Variants in CNTNAP2 observed in about 807,000 individuals in gnomAD.
The protein encoded by CNTNAP2 is contactin-associated protein-like 2.
In CNTNAP2, 98 loss-of-function variants were observed where a neutral mutation model predicts 155.2. The observed-to-expected ratio is 0.63, with a 90% confidence interval of 0.54 to 0.75. CNTNAP2 has a LOEUF of 0.75. Among genes scored for constraint, CNTNAP2 ranks in the 30% least tolerant of loss-of-function variants. The probability of loss-of-function intolerance (pLI) is 0.00; values close to 1 mark genes in which losing one functional copy is unlikely to be tolerated. For synonymous variants in CNTNAP2, 651 were observed against 631.2 expected (o/e 1.03, Z -0.47); for missense variants, 1,727 against 1,688.1 (o/e 1.02, Z -0.40).
intron 11 of CNTNAP2, among the ~76,000 whole-genome samples, chr7:147,522,329 C>G (rs1216735591): frequency 6.6e-6 from 1 of 152,182 alleles, no homozygotes; most frequent in African/African-American, 2.4e-5. Context: ...AAAGGAATAT[C>G]TAGGTATTCC....
intron 11 of CNTNAP2, among the ~76,000 whole-genome samples, chr7:147,498,325 CCTT>C (rs1290640805): frequency 1.3e-5 from 2 of 152,144 alleles, no homozygotes; most frequent in Admixed American, 1.3e-4. Context: ...CAAAACAAGT[CCTT>C]CTCTTATTGT....
chr7:148,054,072 A>G (rs1009855674), intron 15 of CNTNAP2, among the ~76,000 whole-genome samples: 6 of 148,690 alleles, frequency 4.0e-5, no homozygotes, highest in African/African-American at 1.5e-4. Flanking sequence ...TCCCGGGTTC[A>G]CGCCATTCTC....
At chr7:146,936,749 T>C (rs952257379) in intron 3 of CNTNAP2, among the ~76,000 whole-genome samples, 3 of 152,138 alleles carry the variant, frequency 2.0e-5, no homozygotes, top group African/African-American at 7.2e-5. Flanking sequence ...GTTTAAACTG[T>C]GTTCAAAGAG....
At chr7:146,866,943 T>C (rs1402704717) in intron 3 of CNTNAP2, among the ~76,000 whole-genome samples, 1 of 152,134 alleles carries the variant, frequency 6.6e-6, no homozygotes. Flanking sequence ...ATATTACATA[T>C]CATTTTATAA....
At chr7:147,423,168 T>C (rs1797324220) in intron 10 of CNTNAP2, among the ~76,000 whole-genome samples, 5 of 152,020 alleles carry the variant, frequency 3.3e-5, no homozygotes, top group Admixed American at 3.3e-4. Context: ...TGATGAAAAA[T>C]AAAAGGCACA....
intron 13 of CNTNAP2, among the ~76,000 whole-genome samples, chr7:147,746,171 T>C (rs1329860617): frequency 6.6e-6 from 1 of 152,176 alleles, no homozygotes; most frequent in Non-Finnish European, 1.5e-5. Context: ...AGGTCTATAG[T>C]AGTGACAATG....
intron 1 of CNTNAP2, among the ~76,000 whole-genome samples, chr7:146,516,756 TC>T (rs1455818146): frequency 6.6e-6 from 1 of 151,950 alleles, no homozygotes; most frequent in East Asian, 1.9e-4. Context: ...TTTATGAATC[TC>T]CCCTCTGTTG....
At chr7:146,701,266 G>A (rs1336127870) in intron 1 of CNTNAP2, among the ~76,000 whole-genome samples, 2 of 152,128 alleles carry the variant, frequency 1.3e-5, no homozygotes, top group Non-Finnish European at 2.9e-5. Flanking sequence ...TAAAGCCACT[G>A]CCCTTAGACC....
chr7:147,891,081 T>C (rs533553117), intron 13 of CNTNAP2, among the ~76,000 whole-genome samples: 10 of 152,132 alleles, frequency 6.6e-5, no homozygotes, highest in Admixed American at 1.3e-4. Context: ...ACTATTTTTT[T>C]TAAAAAGAAT....
intron 3 of CNTNAP2, among the ~76,000 whole-genome samples, chr7:147,007,605 G>A (rs944697008): frequency 6.6e-5 from 10 of 152,044 alleles, no homozygotes; most frequent in African/African-American, 2.2e-4. Flanking sequence ...GTTGTGGGTT[G>A]TGGGCTGTGT....
chr7:147,027,004 G>GAAAAAAAAAAAACAAAAAAA (rs1798934502), intron 3 of CNTNAP2, among the ~76,000 whole-genome samples: 1 of 67,446 alleles, frequency 1.5e-5, no homozygotes, highest in African/African-American at 6.0e-5. Context: ...AAACAGAACA[G>GAAAAAAAAAAAACAAAAAAA]AAAAAAAAAA....
At chr7:147,054,082 T>C (rs1018599158) in intron 4 of CNTNAP2, among the ~76,000 whole-genome samples, 12 of 152,146 alleles carry the variant, frequency 7.9e-5, no homozygotes, top group African/African-American at 2.9e-4. Flanking sequence ...AATACCTCTC[T>C]CCTCTGGTTC....
At chr7:146,226,692 T>TAAAC (rs1033714186) in intron 1 of CNTNAP2, among the ~76,000 whole-genome samples, 2 of 151,624 alleles carry the variant, frequency 1.3e-5, no homozygotes, top group African/African-American at 4.8e-5. Context: ...ACAAAACAAA[T>TAAAC]AAACAAACAA....
At chr7:147,504,839 T>TATATATATATATAG (rs35388373) in intron 11 of CNTNAP2, among the ~76,000 whole-genome samples, 1 of 150,276 alleles carries the variant, frequency 6.7e-6, no homozygotes, top group Non-Finnish European at 1.5e-5. Flanking sequence ...TATATATATA[T>TATATATATATATAG]GAATCAGAAA....
At chr7:147,355,477 C>G (rs1413098883) in intron 9 of CNTNAP2, among the ~76,000 whole-genome samples, 2 of 151,818 alleles carry the variant, frequency 1.3e-5, no homozygotes, top group Non-Finnish European at 2.9e-5. Flanking sequence ...TACAAAAAAC[C>G]TTTCAAAAAA....
chr7:148,095,109 C>A (rs1803934497), intron 15 of CNTNAP2, among the ~76,000 whole-genome samples: 1 of 152,190 alleles, frequency 6.6e-6, no homozygotes, highest in African/African-American at 2.4e-5. Flanking sequence ...AGGCTACATG[C>A]CAAGCCTCTG....
chr7:147,337,950 A>T (rs914468034), intron 9 of CNTNAP2, among the ~76,000 whole-genome samples: 1 of 152,160 alleles, frequency 6.6e-6, no homozygotes, highest in African/African-American at 2.4e-5. Context: ...TGACCTTGAC[A>T]TTTGATGGGG....
intron 3 of CNTNAP2, among the ~76,000 whole-genome samples, chr7:146,864,403 CA>C (rs946348972): frequency 6.6e-6 from 1 of 152,082 alleles, no homozygotes; most frequent in Non-Finnish European, 1.5e-5. Context: ...GTGTTCTTAA[CA>C]AAAATGGACT....
chr7:146,945,918 C>G (rs545225769), intron 3 of CNTNAP2, among the ~76,000 whole-genome samples: 2 of 152,202 alleles, frequency 1.3e-5, no homozygotes, highest in African/African-American at 4.8e-5. Flanking sequence ...AAAACTACTT[C>G]GCCGTTGTGC....
Sources: allele counts gnomAD v4.1 joint callset (sites outside exome capture counted in the v4.1 genomes callset), GRCh38; gene constraint gnomAD v4.1.1; transcripts MANE v1.5; gene names NCBI Gene and HGNC (gene_info 2026-07-23, HGNC 2026-07-21).